The following ANO9 variants were observed in gnomAD, a reference collection of about 807,000 sequenced individuals.
ANO9 encodes anoctamin 9, also known as anoctamin-9.
A neutral mutation model predicts 100.5 loss-of-function variants in ANO9; 80 were observed. The observed-to-expected ratio is 0.80, with a 90% CI of 0.66 to 0.96. ANO9 has a LOEUF of 0.96. Among genes scored for constraint, ANO9 ranks in the 40% least tolerant of loss-of-function variants. The pLI is 0.00. For synonymous variants in ANO9, 473 were observed against 435.6 expected (o/e 1.09, Z -1.07); for missense variants, 1,064 against 1,072.7 (o/e 0.99, Z 0.11).
In ANO9 at chr11:430,314, A is replaced by C; in HGVS notation, c.629T>G (p.Leu210Ter). The C allele has an allele frequency of 6.2e-7, 1 of 1,607,308 alleles. No individual in the cohort carries two copies. The highest frequency in any genetic ancestry group is 8.5e-7 in the Non-Finnish European group (1 of 1,177,862). ...CAGCGAGAATCCGCTCAGAAAGACT[A>C]AGAGGCCCGTCAGGGCGGCCGGCAC... is the stretch of plus-strand genomic sequence containing the variant. ...MLVPAALTGL[L>*]VFLSGFSLFE... The change falls in exon 8 of 23, where the codon TTA (leucine) becomes TGA (stop). Residue 210 changes from leucine to a stop codon, truncating the protein, a stop_gained. Coordinates refer to ENST00000332826, the MANE Select transcript of ANO9 (RefSeq NM_001012302.3). LOFTEE classifies it high-confidence loss of function.
chr11:419,663 G>T lies in ANO9; in HGVS notation c.1853C>A (p.Ala618Asp). 1 of 1,613,196 alleles carries T rather than the reference G, an allele frequency of 6.2e-7. No homozygotes were observed. The highest frequency in any genetic ancestry group is 8.5e-7 in the Non-Finnish European group (1 of 1,179,862). Reference sequence around the variant, plus strand: ...TCGGGGGATGAACTCAGATGTGAAGGCAATGACCATCCCATTGGCAATGAC... The same window carrying T: ...TCGGGGGATGAACTCAGATGTGAAGTCAATGACCATCCCATTGGCAATGAC... ...LAVIANGMVI[A>D]FTSEFIPRVV... The change falls in exon 20 of 23, where the codon GCC (alanine) becomes GAC (aspartate). Residue 618 changes from alanine (A) to aspartate (D), a missense_variant. Coordinates refer to ENST00000332826, the MANE Select transcript of ANO9 (RefSeq NM_001012302.3).
Position 420,698 on chromosome 11 carries a change from G to A in ANO9, c.1633+20C>T, listed in dbSNP as rs1848123604. 6.2e-7 allele frequency: 1 copy of A among 1,602,898 alleles called. No individual in the cohort carries two copies. The highest frequency in any genetic ancestry group is 8.5e-7 in the Non-Finnish European group (1 of 1,174,860). On this transcript the variant is annotated intron_variant, in intron 18 of 22. Coordinates refer to ENST00000332826, the MANE Select transcript of ANO9 (RefSeq NM_001012302.3). Reference sequence around the variant, plus strand: ...CCCGCATTCGTCTCCGCGAACCCCCGCCCCGCAGCGCCCACGCACTCATCT... The same window carrying A: ...CCCGCATTCGTCTCCGCGAACCCCCACCCCGCAGCGCCCACGCACTCATCT...
chr11:439,546 G>A (rs1169506923), intron 1 of ANO9, among the ~76,000 whole-genome samples: 2 of 152,226 alleles, frequency 1.3e-5, no homozygotes, highest in Non-Finnish European at 2.9e-5. Flanking sequence ...GGGGTCCCAC[G>A]ACGCACATCC....
chr11:421,422 C>T lies in ANO9; in HGVS notation c.1335-224G>A. 4.7e-6 allele frequency: 2 copies of T among 427,900 alleles called. No individual in the cohort carries two copies. Among genetic ancestry groups the T allele is most frequent in the Non-Finnish European group, 8.2e-6 (2 of 245,120 alleles). The allele number at this position is 427,900 out of a possible 1,614,324, so 26.5% of individuals were successfully genotyped here. A position where few individuals can be genotyped will look rare whatever the true frequency, so the allele number is the denominator to read the frequency against. On this transcript the variant is annotated intron_variant, in intron 15 of 22. Coordinates refer to ENST00000332826, the MANE Select transcript of ANO9 (RefSeq NM_001012302.3). The surrounding 1 kb of genome is among the most constrained non-coding windows in gnomAD (Gnocchi z 6.8). ...AGGCCACAGGCTCCCAGATGAACCG[C>T]ACCCACACGTGGGCGCGCGCACACA...
intron 20 of ANO9, 106 bp downstream of exon 20, chr11:419,476 A>G: frequency 6.7e-7 from 1 of 1,490,790 alleles, no homozygotes; most frequent in Non-Finnish European, 8.9e-7. Flanking sequence ...CCCCAGGGGT[A>G]CCAACAGGTC....
Position 421,370 on chromosome 11 carries a change from G to C in ANO9, c.1335-172C>G, listed in dbSNP as rs933414068. 2 of 520,024 alleles carry C rather than the reference G, an allele frequency of 3.8e-6. No individual in the cohort carries two copies. Among genetic ancestry groups the C allele is most frequent in the Non-Finnish European group, 6.6e-6 (2 of 304,328 alleles). The allele number at this position is 520,024 out of a possible 1,614,324, so 32.2% of individuals were successfully genotyped here. ...ATGAACCGCACCCGCACGTGGGCAC[G>C]CACACACACACACACACACACAGGG... On this transcript the variant is annotated intron_variant, in intron 15 of 22. Transcript: ENST00000332826. This position sits in a 1 kb window ranked among gnomAD's most constrained non-coding sequence, Gnocchi z 6.8.
chr11:426,788 G>A (rs1384676749), intron 15 of ANO9, among the ~76,000 whole-genome samples: 1 of 152,096 alleles, frequency 6.6e-6, no homozygotes, highest in East Asian at 1.9e-4. Context: ...TTAGGGGAAT[G>A]CAGGCCCAGC....
At position 430,136 on chromosome 11, in the gene ANO9, C is replaced by A; in HGVS notation, c.718G>T (p.Gly240Cys). 1 of 1,553,866 alleles carries A rather than the reference C, an allele frequency of 6.4e-7. No individual in the cohort carries two copies. Among genetic ancestry groups the A allele is most frequent in the South Asian group, 1.2e-5 (1 of 84,216 alleles). ...CGCTGGTACCTGCGGCTGTGGTCGC[C>A]GAGGGGACACATGAGGATGTCGTGG... Reference protein sequence around the residue: ...EAHDILMCPLGDHSRRYQRLS... With the variant: ...EAHDILMCPLCDHSRRYQRLS... The change falls in exon 9 of 23, where the codon GGC (glycine) becomes TGC (cysteine). Residue 240 changes from glycine (G) to cysteine (C), a missense_variant. Transcript: ENST00000332826.
At chr11:429,883 G>T in intron 9 of ANO9, 65 bp from the exon 10 acceptor site, 1 of 1,434,008 alleles carries the variant, frequency 7.0e-7, no homozygotes, top group Non-Finnish European at 9.5e-7. Context: ...AGGTGAGCCA[G>T]GGAGGGAGGC....
At chr11:429,994 A>G in intron 9 of ANO9, 89 bp downstream of exon 9, 1 of 1,447,432 alleles carries the variant, frequency 6.9e-7, no homozygotes, top group Non-Finnish European at 9.4e-7. Flanking sequence ...GCAGCTCTGC[A>G]GGGCTCCAGG....
intron 1 of ANO9, 130 bp downstream of exon 1, chr11:441,791 C>T: frequency 7.2e-7 from 1 of 1,391,448 alleles, no homozygotes; most frequent in South Asian, 1.4e-5. Flanking sequence ...ACCGGGCAGC[C>T]TGCAGGGACC....
Position 420,451 on chromosome 11 carries a change from G to C in ANO9, c.1786+12C>G, listed in dbSNP as rs531640884. The C allele has an allele frequency of 4.4e-6, 7 of 1,599,624 alleles. No homozygotes were observed. The African/African-American group carries it at 8.0e-5, about 18-fold the overall frequency. On this transcript the variant is annotated intron_variant, in intron 19 of 22. Transcript: ENST00000332826. ...CCCAGTTCCCGCCCATCCTGCGCCC[G>C]CCCGGTCTGACCGATGTCCTTGGCC... is the stretch of plus-strand genomic sequence containing the variant.
chr11:428,250 G>A (rs2133693498), intron 14 of ANO9, 51 bp from the exon 15 acceptor site: 3 of 1,607,020 alleles, frequency 1.9e-6, no homozygotes, highest in Non-Finnish European at 2.6e-6. Flanking sequence ...GAGAGGCCCT[G>A]GGGCAGCAGG....
At position 429,613 on chromosome 11, in the gene ANO9, C is replaced by A. The variant is rs778037587; in HGVS notation, c.872G>T (p.Arg291Leu). 1.9e-6 allele frequency: 3 copies of A among 1,612,616 alleles called. No individual in the cohort carries two copies. Among genetic ancestry groups the A allele is most frequent in the Admixed American group, 3.3e-5 (2 of 60,016 alleles). ...GTACAGGTCCCAGTGCAGGACCACG[C>A]GGGCGCGCTGCCGCTTCCAGATCTC... Reference protein sequence around the residue: ...FLEIWKRQRARVVLHWDLYVW... With the variant: ...FLEIWKRQRALVVLHWDLYVW... The change falls in exon 11 of 23, where the codon CGC becomes CTC. Residue 291 changes from arginine (R) to leucine (L), a missense_variant. Arg to Leu is a moderately radical substitution (Grantham distance 102). Transcript: ENST00000332826.
chr11:441,934 G>A lies in ANO9; in HGVS notation c.-8C>T. ...CGCAGGACTCACCTGCATGCTGGCTGTGGCCGGAGTTCCAGCTGGGGTTTG... is the reference window on the plus strand; with the variant it reads ...CGCAGGACTCACCTGCATGCTGGCTATGGCCGGAGTTCCAGCTGGGGTTTG... On this transcript the variant is annotated 5_prime_UTR_variant, in exon 1 of 23. Coordinates refer to ENST00000332826, the MANE Select transcript of ANO9 (RefSeq NM_001012302.3). 1 of 1,607,522 alleles carries A rather than the reference G, an allele frequency of 6.2e-7. No homozygotes were observed. Among genetic ancestry groups the A allele is most frequent in the Non-Finnish European group, 8.5e-7 (1 of 1,179,254 alleles).
intron 15 of ANO9, among the ~76,000 whole-genome samples, chr11:423,797 C>T (rs560339915): frequency 6.6e-6 from 1 of 151,954 alleles, no homozygotes; most frequent in South Asian, 2.1e-4. Context: ...TCCCAAAATG[C>T]TGGGATTACA....
intron 15 of ANO9, among the ~76,000 whole-genome samples, chr11:423,235 A>G (rs1848300343): frequency 6.6e-6 from 1 of 152,260 alleles, no homozygotes; most frequent in Admixed American, 6.5e-5. Flanking sequence ...AGTGATGGAC[A>G]GCAGCTAGCC....
chr11:429,436 A>G, intron 11 of ANO9, 134 bp downstream of exon 11: 1 of 1,482,366 alleles, frequency 6.7e-7, no homozygotes, highest in Non-Finnish European at 9.0e-7. Context: ...ACCAGGACAC[A>G]CGCCCCACAT....
intron 19 of ANO9, chr11:420,204 T>TC (rs200508304): frequency 2.1e-6 from 3 of 1,401,398 alleles, no homozygotes; most frequent in East Asian, 2.7e-5. Flanking sequence ...AGAACCTGGG[T>TC]CCCCCTTGGG....
Sources: gnomAD v4.1 joint callset for allele counts (sites outside exome capture counted in the v4.1 genomes callset) on GRCh38, gnomAD v4.1.1 for gene constraint, Gnocchi (gnomAD v3.1) non-coding constraint, MANE v1.5 for transcripts, NCBI Gene and HGNC (gene_info 2026-07-23, HGNC 2026-07-21) for gene names.